The following SASH1 variants were observed in gnomAD, a reference collection of about 807,000 sequenced individuals.
SASH1 encodes SAM and SH3 domain-containing protein 1.
A neutral mutation model predicts 125.2 loss-of-function variants in SASH1; 44 were observed. That is an observed-to-expected ratio of 0.35 (90% CI 0.28 to 0.45). The LOEUF is 0.45. Ranked by LOEUF, SASH1 falls within the 20% of genes least tolerant of loss-of-function variation. SASH1 has a pLI of 1.00. For missense variants in SASH1, 1,426 were observed against 1,614.5 expected (o/e 0.88, Z 2.00); for synonymous variants, 639 against 649.1 (o/e 0.98, Z 0.24).
intron 8 of SASH1, among the ~76,000 whole-genome samples, chr6:148,501,380 G>T (rs186766732): frequency 6.6e-6 from 1 of 152,122 alleles, no homozygotes; most frequent in Non-Finnish European, 1.5e-5. Flanking sequence ...AGAAACTAGC[G>T]CCTTAAATGC....
intron 5 of SASH1, among the ~76,000 whole-genome samples, chr6:148,470,153 T>C (rs1453925439): frequency 6.6e-6 from 1 of 152,220 alleles, no homozygotes; most frequent in African/African-American, 2.4e-5. Context: ...TGTCTGACAT[T>C]TGCTTCAGTG....
chr6:148,362,678 T>C (rs537073160), intron 1 of SASH1, among the ~76,000 whole-genome samples: 18 of 151,990 alleles, frequency 1.2e-4, no homozygotes, highest in African/African-American at 4.3e-4. Flanking sequence ...GTGAGACCCC[T>C]TCTCTACAAA....
intron 1 of SASH1, among the ~76,000 whole-genome samples, chr6:148,386,601 TA>T (rs1417643868): frequency 6.6e-6 from 1 of 152,204 alleles, no homozygotes. Flanking sequence ...ATGGACTTTC[TA>T]TTTGGTCAAA....
At chr6:148,393,046 T>G (rs1783795714) in intron 2 of SASH1, among the ~76,000 whole-genome samples, 1 of 144,636 alleles carries the variant, frequency 6.9e-6, no homozygotes, top group Non-Finnish European at 1.5e-5. Context: ...TTTCAATTTT[T>G]TTTTTTTTTT....
At chr6:148,208,840 G>T in the SASH1 span, among the ~76,000 whole-genome samples, 49 of 152,116 alleles carry the variant, frequency 3.2e-4, no homozygotes, top group African/African-American at 1.1e-3. Flanking sequence ...GACTGAATAC[G>T]GTTACTAATA....
chr6:148,356,151 C>G (rs1211429872), intron 1 of SASH1, among the ~76,000 whole-genome samples: 2 of 149,584 alleles, frequency 1.3e-5, no homozygotes, highest in African/African-American at 4.9e-5. Flanking sequence ...GTGGCGTGAT[C>G]TCTGCTCACT....
At chr6:148,282,383 T>TA (rs1455196651) in intron 1 of SASH1, among the ~76,000 whole-genome samples, 1 of 788 alleles carries the variant, frequency 1.3e-3, no homozygotes, top group African/African-American at 3.3e-3. Flanking sequence ...GCCCAGGAGA[T>TA]TTTTTTTTTC....
the SASH1 span, among the ~76,000 whole-genome samples, chr6:148,259,017 CCA>C: frequency 6.6e-6 from 1 of 152,180 alleles, no homozygotes; most frequent in Non-Finnish European, 1.5e-5. Context: ...TTCATGGTTA[CCA>C]TGTTCCAGTG....
the SASH1 span, among the ~76,000 whole-genome samples, chr6:148,228,111 G>A: frequency 6.6e-6 from 1 of 152,170 alleles, no homozygotes; most frequent in Non-Finnish European, 1.5e-5. Context: ...AATTTTTGAT[G>A]TGCCTGCAAA....
At chr6:148,294,779 C>G (rs1167584688) in intron 1 of SASH1, among the ~76,000 whole-genome samples, 1 of 151,986 alleles carries the variant, frequency 6.6e-6, no homozygotes, top group African/African-American at 2.4e-5. Flanking sequence ...TTTGAGTTGC[C>G]CTTATATCTT....
intron 12 of SASH1, among the ~76,000 whole-genome samples, chr6:148,530,572 C>T (rs926386961): frequency 6.6e-6 from 1 of 152,094 alleles, no homozygotes; most frequent in African/African-American, 2.4e-5. Flanking sequence ...GCAGGACCTG[C>T]GGAGCTGTGT....
chr6:148,381,663 C>T (rs1010731726), intron 1 of SASH1, among the ~76,000 whole-genome samples: 1 of 106,374 alleles, frequency 9.4e-6, no homozygotes, highest in African/African-American at 3.8e-5. Flanking sequence ...TCTTGCTTTG[C>T]TGCCCAGGCT....
chr6:148,272,552 G>C lies in SASH1; in HGVS notation n.74+175G>C, dbSNP rs529344222. ...CAAAATTCCGAGGGCGCTAGGCAGT[G>C]ACTGCTTCGGAATTCCTTCACCGGG... On this transcript the variant is annotated intron_variant and non_coding_transcript_variant, in intron 1 of 3. Transcript: ENST00000367469. Among the ~76,000 whole-genome samples the C allele has an allele frequency of 5.9e-5, 9 of 152,274 alleles. No homozygotes were observed. In the East Asian group the frequency reaches 1.7e-3, roughly 29 times the overall value.
At chr6:148,453,488 A>G (rs896857895) in intron 4 of SASH1, among the ~76,000 whole-genome samples, 16 of 152,174 alleles carry the variant, frequency 1.1e-4, no homozygotes, top group African/African-American at 3.6e-4. Context: ...AGGTTTAGAA[A>G]GGTCAGTGAC....
At chr6:148,490,552 GA>G (rs761422176) in intron 8 of SASH1, among the ~76,000 whole-genome samples, 3 of 152,212 alleles carry the variant, frequency 2.0e-5, no homozygotes, top group South Asian at 2.1e-4. Context: ...GTGTGGAGCA[GA>G]AACAGAAGGA....
At chr6:148,243,174 G>A in the SASH1 span, among the ~76,000 whole-genome samples, 3 of 152,190 alleles carry the variant, frequency 2.0e-5, no homozygotes, top group Admixed American at 6.5e-5. Flanking sequence ...AAATTGGCCA[G>A]GCACGGTGGC....
the SASH1 span, among the ~76,000 whole-genome samples, chr6:148,256,212 A>T: frequency 6.6e-6 from 1 of 152,234 alleles, no homozygotes; most frequent in African/African-American, 2.4e-5. Context: ...CAGTGTTAAC[A>T]CCAAATAGCA....
the SASH1 span, among the ~76,000 whole-genome samples, chr6:148,262,119 C>T: frequency 1.3e-3 from 204 of 152,060 alleles, 1 homozygote; most frequent in Admixed American, 2.7e-3. Context: ...CACACACACA[C>T]GCACGGGCTT....
chr6:148,338,447 T>A (rs1464467753), upstream of SASH1, among the ~76,000 whole-genome samples: 6 of 149,024 alleles, frequency 4.0e-5, no homozygotes, highest in Admixed American at 2.7e-4. Context: ...AAAAAGATGA[T>A]AATATAAATC....
Sources: allele counts gnomAD v4.1 joint callset (sites outside exome capture counted in the v4.1 genomes callset), GRCh38; gene constraint gnomAD v4.1.1; transcripts MANE v1.5; gene names NCBI Gene and HGNC (gene_info 2026-07-23, HGNC 2026-07-21).